The following MAP4K4 variants were observed in gnomAD, a reference collection of about 807,000 sequenced individuals.
MAP4K4 encodes the protein HPK/GCK-like kinase HGK.
Under a neutral mutation model 189.6 loss-of-function variants are expected in MAP4K4, and 38 were observed. The observed-to-expected ratio is 0.20, with a 90% CI of 0.15 to 0.26. The LOEUF (loss-of-function observed/expected upper bound fraction) is 0.26. Among genes scored for constraint, MAP4K4 ranks in the 10% least tolerant of loss-of-function variants. MAP4K4 has a pLI of 1.00. For synonymous variants in MAP4K4, 610 were observed against 624.3 expected (o/e 0.98, Z 0.34); for missense variants, 1,054 against 1,726.9 (o/e 0.61, Z 6.91).
chr2:101,775,109 G>C (rs905288661), intron 2 of MAP4K4, among the ~76,000 whole-genome samples: 5 of 150,436 alleles, frequency 3.3e-5, no homozygotes, highest in Admixed American at 1.3e-4. Context: ...AGTATTTCAG[G>C]ACAACCCCGG....
intron 3 of MAP4K4, among the ~76,000 whole-genome samples, chr2:101,815,280 C>T (rs1358521901): frequency 6.6e-6 from 1 of 152,046 alleles, no homozygotes; most frequent in East Asian, 1.9e-4. Context: ...TTTACTCTGC[C>T]ACTCTGGTTG....
rs560859263 is a variant in MAP4K4, at chr2:101,800,378, G to A, written c.180+9602G>A. Among the ~76,000 whole-genome samples, 7 of 152,328 alleles carry A rather than the reference G, an allele frequency of 4.6e-5. No individual in the cohort carries two copies. The South Asian group carries it at 8.3e-4, about 18-fold the overall frequency. Reference sequence around the variant, plus strand: ...TTCCCAAAGTGGTGGGATTATAGGCGTGAGGGACCACACCTGGCCAAAAGG... The same window carrying A: ...TTCCCAAAGTGGTGGGATTATAGGCATGAGGGACCACACCTGGCCAAAAGG... On this transcript the variant is annotated intron_variant, in intron 3 of 32. Coordinates refer to ENST00000324219, the Ensembl canonical transcript of MAP4K4.
At chr2:101,855,895 G>C in intron 12 of MAP4K4, 82 bp from the exon 13 acceptor site, 4 of 1,359,964 alleles carry the variant, frequency 2.9e-6, no homozygotes, top group Non-Finnish European at 4.0e-6. Context: ...TGTCCACCTG[G>C]CACTGACTGA....
chr2:101,796,469 G>A (rs1224096381), intron 3 of MAP4K4, among the ~76,000 whole-genome samples: 1 of 152,174 alleles, frequency 6.6e-6, no homozygotes, highest in African/African-American at 2.4e-5. Flanking sequence ...TTGCTCAGGA[G>A]TACATTGCTA....
chr2:101,790,948 C>T lies in MAP4K4; in HGVS notation c.180+172C>T, dbSNP rs6733385. The stretch of plus-strand genomic sequence containing the variant: ...ACTAGTTGGCCTAAATTGTAGTACA[C>T]GGTCTCCAAGTAACTAAAAGGCAGT... On this transcript the variant is annotated intron_variant, in intron 3 of 32. Transcript: ENST00000324219. Among the ~76,000 whole-genome samples, 9,607 of 152,172 alleles carry T rather than the reference C, an allele frequency of 0.063. 811 individuals carry two copies. The highest frequency in any genetic ancestry group is 0.19 in the African/African-American group (8,046 of 41,462).
chr2:101,731,850 C>G (rs534834111), intron 2 of MAP4K4, among the ~76,000 whole-genome samples: 11 of 151,814 alleles, frequency 7.2e-5, no homozygotes, highest in Non-Finnish European at 1.5e-4. Flanking sequence ...GTTTTTCATT[C>G]ACTCAGGATT....
rs563957857 is a variant in MAP4K4, at chr2:101,725,116, G to T, written c.123+26578G>T. 1.2e-4 allele frequency among the ~76,000 whole-genome samples: 19 copies of T among 152,232 alleles called. No individual in the cohort carries two copies. In the South Asian group the frequency reaches 3.7e-3, roughly 30 times the overall value. On this transcript the variant is annotated intron_variant, in intron 2 of 32. Coordinates refer to ENST00000324219, the Ensembl canonical transcript of MAP4K4. ...TGGATGACATTGCCTTTCACAGAAC[G>T]TGTCCTCATCATCAAGCAACACGTG...
chr2:101,705,477 A>G (rs560958335), intron 2 of MAP4K4, among the ~76,000 whole-genome samples: 9 of 152,330 alleles, frequency 5.9e-5, no homozygotes, highest in South Asian at 2.1e-4. Flanking sequence ...AAGTGGCTCA[A>G]CCTCATCAGC....
At chr2:101,893,870 G>A (rs1247268056) in exon 33 of MAP4K4, 1 of 152,646 alleles carries the variant, frequency 6.6e-6, no homozygotes, top group African/African-American at 2.4e-5. Context: ...GGTGGTGTTT[G>A]TGGTGAACTG....
chr2:101,788,977 T>C (rs928282366), intron 2 of MAP4K4, among the ~76,000 whole-genome samples: 29 of 152,338 alleles, frequency 1.9e-4, no homozygotes, highest in South Asian at 2.1e-4. Flanking sequence ...CCCTATCAGA[T>C]ACTCAGAAGA....
chr2:101,860,322 G>A (rs145433556), intron 15 of MAP4K4: 136 of 220,396 alleles, frequency 6.2e-4, no homozygotes, highest in African/African-American at 2.9e-3. Flanking sequence ...GGGACTGCTC[G>A]GGGGTGCAAG....
chr2:101,809,224 G>A (rs1210241257), intron 3 of MAP4K4, among the ~76,000 whole-genome samples: 1 of 152,106 alleles, frequency 6.6e-6, no homozygotes, highest in Non-Finnish European at 1.5e-5. Context: ...TTATTTTCAT[G>A]TAGTGATTTT....
chr2:101,840,077 G>C, intron 10 of MAP4K4, 83 bp downstream of exon 10: 6 of 1,343,648 alleles, frequency 4.5e-6, no homozygotes, highest in Non-Finnish European at 6.1e-6. Flanking sequence ...TCCCTTCCCA[G>C]CTGTGAGAGT....
At chr2:101,867,976 A>G in intron 20 of MAP4K4, 53 bp from the exon 21 acceptor site, 9 of 1,602,702 alleles carry the variant, frequency 5.6e-6, no homozygotes, top group Non-Finnish European at 7.7e-6. Flanking sequence ...TGTACTGTGC[A>G]TTCCTCATCA....
At chr2:101,797,889 G>GTGTTTTGTTTTTTT (rs1553478618) in intron 3 of MAP4K4, among the ~76,000 whole-genome samples, 1 of 52,304 alleles carries the variant, frequency 1.9e-5, no homozygotes, top group Non-Finnish European at 3.3e-5. Context: ...CATTCTTTTA[G>GTGTTTTGTTTTTTT]TTTTTTTTTT....
At chr2:101,751,392 A>C (rs2149977570) in intron 2 of MAP4K4, among the ~76,000 whole-genome samples, 1 of 152,324 alleles carries the variant, frequency 6.6e-6, no homozygotes, top group East Asian at 1.9e-4. Context: ...CCTGCTTCCC[A>C]GTGCTGCTTT....
At chr2:101,839,686 T>C (rs996089369) in intron 9 of MAP4K4, 133 bp from the exon 10 acceptor site, 2 of 674,136 alleles carry the variant, frequency 3.0e-6, no homozygotes, top group African/African-American at 3.6e-5. Context: ...TTTCATACAT[T>C]ATTCCTATGC....
chr2:101,870,046 G>A (rs1424402534), intron 22 of MAP4K4: 2 of 625,688 alleles, frequency 3.2e-6, no homozygotes, highest in African/African-American at 3.7e-5. Flanking sequence ...ATGATCCAGG[G>A]GAAATTTCAG....
chr2:101,840,874 TA>T (rs1161749004), intron 10 of MAP4K4, among the ~76,000 whole-genome samples: 1 of 152,244 alleles, frequency 6.6e-6, no homozygotes, highest in Non-Finnish European at 1.5e-5. Context: ...ATGTTCAGAA[TA>T]ACCTTTTTCC....
Sources: allele counts gnomAD v4.1 joint callset (sites outside exome capture counted in the v4.1 genomes callset), GRCh38; gene constraint gnomAD v4.1.1; transcripts MANE v1.5; gene names NCBI Gene and HGNC (gene_info 2026-07-23, HGNC 2026-07-21).